CHKA: variants seen among roughly 807,000 people sequenced by gnomAD.
CHKA encodes choline kinase alpha, also known as CHETK-alpha.
A neutral mutation model predicts 60.1 loss-of-function variants in CHKA; 34 were observed. That is an observed-to-expected ratio of 0.57 (90% CI 0.43 to 0.75). The LOEUF (loss-of-function observed/expected upper bound fraction) is 0.75. Among genes scored for constraint, CHKA ranks in the 30% least tolerant of loss-of-function variants. The pLI, the probability that CHKA is intolerant of heterozygous loss-of-function variation, is 0.00. For missense variants in CHKA, 563 were observed against 561.3 expected, an observed-to-expected ratio of 1.00 and a Z score of -0.03; for synonymous variants, 217 against 223.1, an observed-to-expected ratio of 0.97 and a Z score of 0.24.
chr11:68,112,234 G>C (rs757276176), intron 1 of CHKA, among the ~76,000 whole-genome samples: 4 of 151,906 alleles, frequency 2.6e-5, no homozygotes, highest in Non-Finnish European at 5.9e-5. Context: ...GATGACCTTA[G>C]GTATGGTGAT....
intron 10 of CHKA, 31 bp downstream of exon 10, chr11:68,064,494 T>C (rs1035967281): frequency 7.0e-6 from 8 of 1,140,234 alleles, no homozygotes; most frequent in Non-Finnish European, 1.0e-5. Context: ...AGGAAAGCTA[T>C]CTTTACAAAT....
chr11:68,075,250 G>A (rs1590847437), intron 3 of CHKA, among the ~76,000 whole-genome samples: 1 of 152,166 alleles, frequency 6.6e-6, no homozygotes, highest in East Asian at 1.9e-4. Context: ...TTAAAGCAAA[G>A]GATCCAAAGG....
rs79973034 is a variant in CHKA at position 68,066,691 on chromosome 11, A to G, written c.929-175T>C. Among the ~76,000 whole-genome samples, 5 of 152,306 alleles carry G rather than the reference A, an allele frequency of 3.3e-5. No individual in the cohort carries two copies. The East Asian group carries it at 9.6e-4, about 29-fold the overall frequency. On this transcript the variant is annotated intron_variant, in intron 7 of 11. Coordinates refer to ENST00000265689, the MANE Select transcript of CHKA (RefSeq NM_001277.3). ...GCGTAGAAGTGCTCACGGGAGGCAT[A>G]ACCCTATGCAGGGTGGCTCCTGACC...
chr11:68,084,652 TTAAG>T (rs1376525754), intron 2 of CHKA, among the ~76,000 whole-genome samples: 21 of 151,794 alleles, frequency 1.4e-4, no homozygotes, highest in African/African-American at 5.1e-4. Flanking sequence ...TTATTTAATA[TTAAG>T]TAATTATTAA....
intron 2 of CHKA, among the ~76,000 whole-genome samples, chr11:68,090,662 G>A (rs1857321763): frequency 6.6e-6 from 1 of 152,182 alleles, no homozygotes; most frequent in South Asian, 2.1e-4. Flanking sequence ...ACTCTTTTAA[G>A]TTGCTAATAC....
intron 1 of CHKA, among the ~76,000 whole-genome samples, chr11:68,107,759 C>T (rs1183357408): frequency 1.3e-5 from 2 of 152,176 alleles, no homozygotes; most frequent in Non-Finnish European, 2.9e-5. Context: ...CAGCATGCCT[C>T]TGCCTACCCT....
chr11:68,108,382 A>C (rs1336588739), intron 1 of CHKA, among the ~76,000 whole-genome samples: 1 of 152,200 alleles, frequency 6.6e-6, no homozygotes, highest in Non-Finnish European at 1.5e-5. Context: ...TATGTGTAAG[A>C]AGCTTAGAAG....
chr11:68,118,835 T>C (rs1305675336), intron 1 of CHKA, among the ~76,000 whole-genome samples: 1 of 152,126 alleles, frequency 6.6e-6, no homozygotes, highest in Non-Finnish European at 1.5e-5. Flanking sequence ...TTGAGCAAAA[T>C]GCAAAAGTTT....
chr11:68,063,126 A>AT (rs1856309519), intron 10 of CHKA, among the ~76,000 whole-genome samples: 1 of 152,234 alleles, frequency 6.6e-6, no homozygotes, highest in South Asian at 2.1e-4. Context: ...ACCGATAAAC[A>AT]TAAGTTTAAT....
intron 4 of CHKA, among the ~76,000 whole-genome samples, chr11:68,073,100 C>T (rs1167306328): frequency 1.3e-5 from 2 of 152,186 alleles, no homozygotes; most frequent in African/African-American, 4.8e-5. Flanking sequence ...TGTCCTGATG[C>T]CTGCCCTTTT....
intron 4 of CHKA, among the ~76,000 whole-genome samples, chr11:68,073,445 G>C (rs947876738): frequency 1.3e-5 from 2 of 152,114 alleles, no homozygotes; most frequent in African/African-American, 4.8e-5. Flanking sequence ...CCTGAGGTCG[G>C]GAGTTCGAGA....
intron 11 of CHKA, among the ~76,000 whole-genome samples, chr11:68,055,529 G>A (rs752805123): frequency 3.3e-5 from 5 of 152,190 alleles, no homozygotes; most frequent in African/African-American, 4.8e-5. Context: ...TGGCTGTCGC[G>A]ACTGCATTCC....
chr11:68,099,644 G>A (rs1402699122), intron 1 of CHKA, among the ~76,000 whole-genome samples: 3 of 152,204 alleles, frequency 2.0e-5, no homozygotes, highest in South Asian at 2.1e-4. Context: ...TAAACTTGGC[G>A]TGGCGCCTCA....
At position 68,086,186 on chromosome 11, in the gene CHKA, G is replaced by A. The variant is rs117086857; in HGVS notation, c.463-4729C>T. ...AAATTAGCTGGGTGTGGTGATGTGC[G>A]CCTGTAAGTCTCAGCTACTCGGGAA... On this transcript the variant is annotated intron_variant, in intron 2 of 11. Transcript: ENST00000265689. Among the ~76,000 whole-genome samples the A allele has an allele frequency of 6.5e-3, 995 of 152,114 alleles. 43 individuals are homozygous for A. In the East Asian group the frequency reaches 0.12, roughly 19 times the overall value.
intron 10 of CHKA, among the ~76,000 whole-genome samples, chr11:68,062,823 C>T (rs758880222): frequency 2.6e-5 from 4 of 152,186 alleles, no homozygotes; most frequent in Admixed American, 6.5e-5. Context: ...ATGTATGCTG[C>T]GGTGAAGCCC....
chr11:68,086,246 C>A (rs546645147), intron 2 of CHKA, among the ~76,000 whole-genome samples: 1 of 151,826 alleles, frequency 6.6e-6, no homozygotes, highest in Admixed American at 6.6e-5. Context: ...CCCAGGAGGC[C>A]GAGGTTGCAG....
chr11:68,110,891 G>A (rs112918336), intron 1 of CHKA, among the ~76,000 whole-genome samples: 5 of 151,560 alleles, frequency 3.3e-5, no homozygotes, highest in African/African-American at 4.8e-5. Context: ...CCAGCTACTC[G>A]GGAGGCTGAG....
At chr11:68,077,235 G>A (rs1856822651) in intron 3 of CHKA, among the ~76,000 whole-genome samples, 1 of 152,136 alleles carries the variant, frequency 6.6e-6, no homozygotes, top group Admixed American at 6.6e-5. Context: ...GCAAGACTCT[G>A]TCTCAAAAGA....
intron 1 of CHKA, among the ~76,000 whole-genome samples, chr11:68,100,327 C>T (rs781392676): frequency 2.1e-4 from 32 of 152,114 alleles, no homozygotes; most frequent in Non-Finnish European, 4.0e-4. Context: ...TGGCGGCTCA[C>T]GCCTGTAATC....
Sources: gnomAD v4.1 joint callset for allele counts (sites outside exome capture counted in the v4.1 genomes callset) on GRCh38, gnomAD v4.1.1 for gene constraint, MANE v1.5 for transcripts, NCBI Gene and HGNC (gene_info 2026-07-23, HGNC 2026-07-21) for gene names.